METTL25: variants seen among roughly 807,000 people sequenced by gnomAD.
METTL25 encodes methyltransferase like 25, also known as probable methyltransferase-like protein 25.
Under a neutral mutation model 71.6 loss-of-function variants are expected in METTL25, and 64 were observed. The ratio of observed to expected loss-of-function variants is 0.89; its 90% confidence interval spans 0.73 to 1.10. The LOEUF (loss-of-function observed/expected upper bound fraction) is 1.10. Among genes scored for constraint, METTL25 ranks in the 50% least tolerant of loss-of-function variants. METTL25 has a pLI of 0.00. For synonymous variants in METTL25, 287 were observed against 250.3 expected (o/e 1.15, Z -1.38); for missense variants, 807 against 707.0 (o/e 1.14, Z -1.60).
chr12:82,411,384 G>A (rs2137060866), intron 5 of METTL25, among the ~76,000 whole-genome samples: 1 of 152,148 alleles, frequency 6.6e-6, no homozygotes, highest in East Asian at 1.9e-4. Flanking sequence ...CTGGGTGGGT[G>A]ACAGAACAAT....
At chr12:82,456,934 G>A (rs1193526933) in intron 9 of METTL25, 114 bp downstream of exon 9, 1 of 447,596 alleles carries the variant, frequency 2.2e-6, no homozygotes, top group East Asian at 3.6e-5. Flanking sequence ...TTGTGAAAAG[G>A]TCCAAATTAT....
In METTL25 at chr12:82,438,712, T is replaced by C. The variant is rs774169275; in HGVS notation, c.1405-6T>C. ...TTGTGCTTATATATGTCTACATTTT[T>C]TTCAGCTGCCTACTGAATCACTCTT... On this transcript the variant is annotated splice_polypyrimidine_tract_variant and splice_region_variant and intron_variant, in intron 7 of 11. Coordinates refer to ENST00000248306, the MANE Select transcript of METTL25 (RefSeq NM_032230.3). 6.8e-7 allele frequency: 1 copy of C among 1,468,572 alleles called. No individual in the cohort carries two copies. The highest frequency in any genetic ancestry group is 9.1e-7 in the Non-Finnish European group (1 of 1,103,388). The allele number at this position is 1,468,572 out of a possible 1,614,324, so 91.0% of individuals were successfully genotyped here. A position where few individuals can be genotyped will look rare whatever the true frequency, so the allele number is the denominator to read the frequency against.
At position 82,391,113 on chromosome 12, in the gene METTL25, G is replaced by A. The variant is rs183579595; in HGVS notation, c.531+1191G>A. Reference sequence around the variant, plus strand: ...GTCAGCTAAGCTGGATACAGGTTCTGTACATGGATGGTACGAATCCAGTTA... The same window carrying A: ...GTCAGCTAAGCTGGATACAGGTTCTATACATGGATGGTACGAATCCAGTTA... On this transcript the variant is annotated intron_variant, in intron 3 of 11. Coordinates refer to ENST00000248306, the MANE Select transcript of METTL25 (RefSeq NM_032230.3). Among the ~76,000 whole-genome samples the A allele has an allele frequency of 6.6e-5, 10 of 152,220 alleles. No homozygotes were observed. The East Asian group carries it at 1.7e-3, about 26-fold the overall frequency.
At chr12:82,459,969 C>T (rs149319521) in intron 9 of METTL25, 3 of 152,304 alleles carry the variant, frequency 2.0e-5, no homozygotes, top group African/African-American at 7.2e-5. Context: ...CTTTGTCTTC[C>T]TTGACTTTTT....
At chr12:82,456,111 G>A (rs769439756) in intron 8 of METTL25, among the ~76,000 whole-genome samples, 3 of 151,766 alleles carry the variant, frequency 2.0e-5, no homozygotes, top group Non-Finnish European at 3.0e-5. Context: ...TTGATAATTC[G>A]TAGTTAATTT....
intron 9 of METTL25, among the ~76,000 whole-genome samples, chr12:82,457,922 A>T (rs1158736823): frequency 1.3e-5 from 2 of 152,078 alleles, no homozygotes; most frequent in Admixed American, 1.3e-4. Context: ...CACCTGACTG[A>T]TCTTCCTTCC....
At chr12:82,397,269 G>T (rs951946610) in intron 3 of METTL25, among the ~76,000 whole-genome samples, 2 of 152,190 alleles carry the variant, frequency 1.3e-5, no homozygotes. Flanking sequence ...CACATTGGCA[G>T]TGTGTATATC....
chr12:82,395,890 T>G (rs1886027377), intron 3 of METTL25, among the ~76,000 whole-genome samples: 1 of 152,086 alleles, frequency 6.6e-6, no homozygotes, highest in African/African-American at 2.4e-5. Flanking sequence ...TAATAGAGTT[T>G]CTACTATATA....
chr12:82,448,623 C>A (rs1890918071), intron 8 of METTL25, among the ~76,000 whole-genome samples: 1 of 151,834 alleles, frequency 6.6e-6, no homozygotes, highest in South Asian at 2.1e-4. Flanking sequence ...ATTATGTTAC[C>A]TAGTTTAATT....
chr12:82,420,738 A>T (rs908465000), intron 5 of METTL25, among the ~76,000 whole-genome samples: 1 of 152,170 alleles, frequency 6.6e-6, no homozygotes, highest in Non-Finnish European at 1.5e-5. Context: ...CAAGCAGATC[A>T]TGTAGGATTT....
At chr12:82,378,774 C>T (rs542670668) in intron 1 of METTL25, among the ~76,000 whole-genome samples, 1 of 152,248 alleles carries the variant, frequency 6.6e-6, no homozygotes, top group East Asian at 1.9e-4. Flanking sequence ...CACTTATGAT[C>T]CCGGCATTTG....
intron 9 of METTL25, among the ~76,000 whole-genome samples, chr12:82,476,097 G>A (rs1413337557): frequency 6.6e-6 from 1 of 152,054 alleles, no homozygotes; most frequent in Non-Finnish European, 1.5e-5. Flanking sequence ...AATTGAACTA[G>A]AGAGTGGCCT....
intron 3 of METTL25, among the ~76,000 whole-genome samples, chr12:82,397,416 A>T (rs1886176390): frequency 6.6e-6 from 1 of 151,864 alleles, no homozygotes; most frequent in Admixed American, 6.6e-5. Flanking sequence ...ATTTCTTTTC[A>T]TTTTTGTCTT....
At chr12:82,368,932 A>G (rs895838215) in intron 1 of METTL25, among the ~76,000 whole-genome samples, 1 of 152,224 alleles carries the variant, frequency 6.6e-6, no homozygotes, top group African/African-American at 2.4e-5. Flanking sequence ...AATTTTTAAG[A>G]TATATTTTCA....
intron 1 of METTL25, among the ~76,000 whole-genome samples, chr12:82,386,331 G>A (rs1884996625): frequency 6.6e-6 from 1 of 152,096 alleles, no homozygotes; most frequent in Admixed American, 6.6e-5. Context: ...TGCCCGGGCT[G>A]ACTACCTTTA....
At chr12:82,427,883 T>A (rs1228227975) in intron 5 of METTL25, among the ~76,000 whole-genome samples, 1 of 151,922 alleles carries the variant, frequency 6.6e-6, no homozygotes, top group African/African-American at 2.4e-5. Context: ...TAAAATAGAT[T>A]TAGGACCAAA....
At chr12:82,421,837 A>T (rs1355363465) in intron 5 of METTL25, among the ~76,000 whole-genome samples, 2 of 152,190 alleles carry the variant, frequency 1.3e-5, no homozygotes, top group Non-Finnish European at 2.9e-5. Context: ...CCCTCCCAAG[A>T]CTAAACCAGG....
chr12:82,413,672 T>C (rs893376956), intron 5 of METTL25, among the ~76,000 whole-genome samples: 2 of 152,098 alleles, frequency 1.3e-5, no homozygotes, highest in African/African-American at 4.8e-5. Context: ...GTTCTGATGA[T>C]ACCATTCTAT....
chr12:82,457,958 T>C (rs555960604), intron 9 of METTL25, among the ~76,000 whole-genome samples: 15 of 152,224 alleles, frequency 9.9e-5, no homozygotes, highest in Admixed American at 5.9e-4. Context: ...GTGCAAACCT[T>C]TAGTGCATAT....
Sources: allele counts gnomAD v4.1 joint callset (sites outside exome capture counted in the v4.1 genomes callset), GRCh38; gene constraint gnomAD v4.1.1; transcripts MANE v1.5; gene names NCBI Gene and HGNC (gene_info 2026-07-23, HGNC 2026-07-21).